The following ROCK1 variants were observed in gnomAD, a reference collection of about 807,000 sequenced individuals.
ROCK1 encodes the protein Rho associated coiled-coil containing protein kinase 1, also known as rho-associated protein kinase 1.
In ROCK1, 36 loss-of-function variants were observed where a neutral mutation model predicts 196.8. The observed-to-expected ratio is 0.18, with a 90% CI of 0.14 to 0.24. The LOEUF (loss-of-function observed/expected upper bound fraction) is 0.24, where lower values mean the gene tolerates loss of function less well. Ranked by LOEUF, ROCK1 falls within the 10% of genes least tolerant of loss-of-function variation. The probability of loss-of-function intolerance (pLI) is 1.00; values close to 1 mark genes in which losing one functional copy is unlikely to be tolerated. For synonymous variants in ROCK1, 443 were observed against 515.9 expected (o/e 0.86, Z 1.91); for missense variants, 920 against 1,562.0 (o/e 0.59, Z 6.93).
At chr18:21,013,520 C>G (rs1463241884) in intron 13 of ROCK1, among the ~76,000 whole-genome samples, 1 of 152,228 alleles carries the variant, frequency 6.6e-6, no homozygotes, top group Non-Finnish European at 1.5e-5. Flanking sequence ...TACCATGTCT[C>G]TTTGATACCA....
chr18:21,062,302 T>C (rs180860368), intron 2 of ROCK1, among the ~76,000 whole-genome samples: 4 of 152,084 alleles, frequency 2.6e-5, no homozygotes, highest in Admixed American at 6.5e-5. Context: ...AGTAAGAACA[T>C]GTCAAAGAAC....
chr18:20,999,925 C>T (rs781135305), intron 16 of ROCK1, among the ~76,000 whole-genome samples: 1 of 152,152 alleles, frequency 6.6e-6, no homozygotes. Context: ...TGGCGCCTGG[C>T]TGGAAGATTT....
At chr18:21,012,721 C>T (rs1324556537) in intron 13 of ROCK1, among the ~76,000 whole-genome samples, 3 of 152,234 alleles carry the variant, frequency 2.0e-5, no homozygotes, top group Admixed American at 1.3e-4. Flanking sequence ...GTCATTTCTT[C>T]CCACGCCCTT....
intron 8 of ROCK1, among the ~76,000 whole-genome samples, chr18:21,041,070 G>A (rs1354866639): frequency 1.5e-4 from 22 of 151,630 alleles, no homozygotes; most frequent in South Asian, 8.3e-4. Context: ...GCAGTGAGCC[G>A]AGATCATGCC....
chr18:21,094,137 TA>T (rs2143590201), intron 1 of ROCK1, among the ~76,000 whole-genome samples: 2 of 152,286 alleles, frequency 1.3e-5, no homozygotes, highest in Non-Finnish European at 2.9e-5. Context: ...CACATGTGAC[TA>T]AAACCAGTCT....
intron 1 of ROCK1, among the ~76,000 whole-genome samples, chr18:21,071,561 G>A (rs2036385906): frequency 6.6e-6 from 1 of 152,074 alleles, no homozygotes; most frequent in African/African-American, 2.4e-5. Context: ...TGTTGAAGTG[G>A]GAAAGCATCT....
chr18:20,990,926 A>AT (rs555544146), intron 18 of ROCK1, among the ~76,000 whole-genome samples: 192 of 151,536 alleles, frequency 1.3e-3, no homozygotes, highest in African/African-American at 4.4e-3. Context: ...CACCTGGCTA[A>AT]TTTTTTTATT....
chr18:21,040,638 G>A lies in ROCK1; in HGVS notation c.960-1075C>T, dbSNP rs144838418. On this transcript the variant is annotated intron_variant, in intron 8 of 32. Coordinates refer to ENST00000399799, the MANE Select transcript of ROCK1 (RefSeq NM_005406.3). ...TTTCACTAACTCTCAAACTGGATTA[G>A]AAAACCTCTCCATGGTTCTCCGGCA... Among the ~76,000 whole-genome samples, 15 of 152,234 alleles carry A rather than the reference G, an allele frequency of 9.9e-5. No homozygotes were observed. In the East Asian group the frequency reaches 2.5e-3, roughly 25 times the overall value.
chr18:21,007,960 G>T, intron 14 of ROCK1, 99 bp downstream of exon 14: 3 of 782,882 alleles, frequency 3.8e-6, no homozygotes, highest in Non-Finnish European at 5.6e-6. Context: ...AAGTGTCTTA[G>T]GATTGTAGCT....
At chr18:21,037,744 C>T (rs1051782598) in intron 9 of ROCK1, among the ~76,000 whole-genome samples, 4 of 152,034 alleles carry the variant, frequency 2.6e-5, no homozygotes, top group Non-Finnish European at 5.9e-5. Context: ...TAATAAAATG[C>T]CACTGATCTG....
chr18:20,965,392 CATACATACATAT>C (rs1420981920), intron 27 of ROCK1, among the ~76,000 whole-genome samples: 19 of 137,912 alleles, frequency 1.4e-4, no homozygotes, highest in African/African-American at 4.8e-4. Context: ...TTCATACATA[CATACATACATAT>C]ATACATACAT....
At chr18:21,030,244 A>G (rs1381317645) in intron 9 of ROCK1, among the ~76,000 whole-genome samples, 1 of 152,164 alleles carries the variant, frequency 6.6e-6, no homozygotes, top group Admixed American at 6.5e-5. Flanking sequence ...CTTGGCATAC[A>G]TTTTATGTTA....
At chr18:20,971,305 T>TACACATACACACAC (rs1555744404) in intron 22 of ROCK1, among the ~76,000 whole-genome samples, 1 of 136,750 alleles carries the variant, frequency 7.3e-6, no homozygotes, top group African/African-American at 2.8e-5. Flanking sequence ...ATAGTAAACA[T>TACACATACACACAC]ACACACACAC....
At chr18:21,015,187 C>A (rs1489103303) in intron 13 of ROCK1, among the ~76,000 whole-genome samples, 2 of 152,116 alleles carry the variant, frequency 1.3e-5, no homozygotes, top group Non-Finnish European at 2.9e-5. Flanking sequence ...TCGAGAACCA[C>A]TGAACTGAAA....
chr18:21,076,957 C>T (rs904470516), intron 1 of ROCK1, among the ~76,000 whole-genome samples: 1 of 140,380 alleles, frequency 7.1e-6, no homozygotes, highest in African/African-American at 2.6e-5. Context: ...GAGAAAAGGA[C>T]AGTCTTTTTT....
intron 13 of ROCK1, among the ~76,000 whole-genome samples, chr18:21,014,731 T>A (rs2143452201): frequency 6.6e-6 from 1 of 152,260 alleles, no homozygotes; most frequent in South Asian, 2.1e-4. Flanking sequence ...CAGATACCAT[T>A]CTATAAGGGA....
Position 21,006,366 on chromosome 18 carries a change from T to A in ROCK1, c.1870A>T (p.Ile624Phe). 6.2e-7 allele frequency: 1 copy of A among 1,611,714 alleles called. No individual in the cohort carries two copies. The highest frequency in any genetic ancestry group is 8.5e-7 in the Non-Finnish European group (1 of 1,179,604). The change falls in exon 16 of 33, where the codon ATT (isoleucine) becomes TTT (phenylalanine). Residue 624 changes from isoleucine to phenylalanine, a missense_variant. This residue lies in a region of ROCK1 where 520 missense variants were observed against 657.1 expected (regional missense o/e 0.79). Transcript: ENST00000399799. ...RRDRGHDSEMIGDLQARITSL... is the reference protein window; with the variant it reads ...RRDRGHDSEMFGDLQARITSL... ...AAAATATTACCTTGAAGGTCTCCAA[T>A]CATCTCAGAATCATGACCTCTGTCT...
At chr18:21,078,038 AAAC>A (rs886908404) in intron 1 of ROCK1, among the ~76,000 whole-genome samples, 19 of 152,222 alleles carry the variant, frequency 1.2e-4, no homozygotes, top group African/African-American at 4.3e-4. Flanking sequence ...CAGCAATAAA[AAAC>A]AAACTGGCCA....
chr18:20,986,597 G>A (rs1405462350), intron 19 of ROCK1, among the ~76,000 whole-genome samples: 1 of 152,148 alleles, frequency 6.6e-6, no homozygotes, highest in Non-Finnish European at 1.5e-5. Context: ...CACTTTTATT[G>A]AAATCTAAGA....
Sources: allele counts gnomAD v4.1 joint callset (sites outside exome capture counted in the v4.1 genomes callset), GRCh38; gene constraint gnomAD v4.1.1; regional missense constraint gnomAD v4.1.1; transcripts MANE v1.5; gene names NCBI Gene and HGNC (gene_info 2026-07-23, HGNC 2026-07-21).